Variants in MATN2 observed in about 807,000 individuals in gnomAD.
MATN2 encodes the protein matrilin 2, also known as matrilin-2.
In MATN2, 69 loss-of-function variants were observed where a neutral mutation model predicts 103.2. The observed-to-expected ratio is 0.67, with a 90% CI of 0.55 to 0.82. MATN2 has a LOEUF of 0.82. Among genes scored for constraint, MATN2 ranks in the 40% least tolerant of loss-of-function variants. MATN2 has a pLI of 0.00. For missense variants in MATN2, 1,023 were observed against 1,211.5 expected (o/e 0.84, Z 2.31); for synonymous variants, 429 against 450.2 (o/e 0.95, Z 0.60).
chr8:97,949,789 A>G (rs528975846), intron 4 of MATN2, among the ~76,000 whole-genome samples: 94 of 152,370 alleles, frequency 6.2e-4, no homozygotes, highest in African/African-American at 2.2e-3. Context: ...ATACACTGCA[A>G]TACACGCATC....
chr8:98,002,838 C>G (rs554228544), intron 7 of MATN2, among the ~76,000 whole-genome samples: 1 of 152,252 alleles, frequency 6.6e-6, no homozygotes, highest in South Asian at 2.1e-4. Context: ...ACCTCTACTG[C>G]AAAGTCTTCT....
intron 10 of MATN2, among the ~76,000 whole-genome samples, chr8:98,013,548 C>A (rs1586157181): frequency 6.6e-6 from 1 of 152,188 alleles, no homozygotes; most frequent in African/African-American, 2.4e-5. Flanking sequence ...CAACATCTCA[C>A]CTCTGATGAT....
chr8:97,999,661 C>A, intron 7 of MATN2, among the ~76,000 whole-genome samples: 1 of 152,108 alleles, frequency 6.6e-6, no homozygotes, highest in Non-Finnish European at 1.5e-5. Flanking sequence ...CTAACAATAT[C>A]CTGCCTCTCC....
chr8:98,019,078 TTCTA>T (rs1371742310), intron 12 of MATN2, among the ~76,000 whole-genome samples: 2 of 148,152 alleles, frequency 1.3e-5, no homozygotes, highest in Non-Finnish European at 3.0e-5. Context: ...CTATGGTCTG[TTCTA>T]TCTTCTATTT....
At chr8:97,871,356 G>T (rs530998825) in intron 1 of MATN2, among the ~76,000 whole-genome samples, 1 of 152,334 alleles carries the variant, frequency 6.6e-6, no homozygotes, top group East Asian at 1.9e-4. Flanking sequence ...AGGAAAAGCA[G>T]GCCGAAGAGG....
At chr8:97,897,457 G>T (rs553256925) in intron 2 of MATN2, among the ~76,000 whole-genome samples, 9 of 152,298 alleles carry the variant, frequency 5.9e-5, no homozygotes, top group African/African-American at 2.2e-4. Flanking sequence ...TGAGTTTCAG[G>T]CCTACATGGG....
At chr8:97,933,361 T>G (rs959323682) in intron 3 of MATN2, among the ~76,000 whole-genome samples, 1 of 152,180 alleles carries the variant, frequency 6.6e-6, no homozygotes, top group African/African-American at 2.4e-5. Flanking sequence ...TTCCTGAAAA[T>G]ATTAAAAGGG....
intron 2 of MATN2, among the ~76,000 whole-genome samples, chr8:97,929,437 C>T (rs1810107657): frequency 6.6e-6 from 1 of 152,196 alleles, no homozygotes; most frequent in African/African-American, 2.4e-5. Flanking sequence ...GGAGGAGGGA[C>T]TCACCCTGGT....
intron 2 of MATN2, among the ~76,000 whole-genome samples, chr8:97,917,480 A>G (rs1344572073): frequency 6.6e-6 from 1 of 152,204 alleles, no homozygotes; most frequent in Non-Finnish European, 1.5e-5. Flanking sequence ...GGCATCTTGA[A>G]TGGCATCAGC....
chr8:97,912,012 G>T (rs1197079624), intron 2 of MATN2, among the ~76,000 whole-genome samples: 1 of 152,226 alleles, frequency 6.6e-6, no homozygotes, highest in Non-Finnish European at 1.5e-5. Context: ...GAAACTGAAG[G>T]AGAGAGGGAT....
intron 1 of MATN2, among the ~76,000 whole-genome samples, chr8:97,869,824 G>C (rs368751505): frequency 6.6e-6 from 1 of 152,176 alleles, no homozygotes; most frequent in African/African-American, 2.4e-5. Context: ...TGTGGTAGTT[G>C]CTAGAAACCC....
Position 98,007,599 on chromosome 8 carries a change from C to T in MATN2, c.1571C>T (p.Ala524Val), listed in dbSNP as rs780109634. 15 of 1,609,492 alleles carry T rather than the reference C, an allele frequency of 9.3e-6. 1 individual carries two copies. The highest frequency in any genetic ancestry group is 8.8e-5 in the South Asian group (8 of 90,948). Residue 524 changes from alanine (A) to valine (V), a missense_variant and splice_region_variant, in exon 10 of 19, where the codon GCA becomes GTA. Physicochemically the swap from Ala to Val is moderately conservative, Grantham distance 64. Transcript: ENST00000254898. This position sits in a 1 kb window ranked among gnomAD's most constrained non-coding sequence, Gnocchi z 4.2. ...HVLRSDGKTC[A>V]KLDSCALGDH... is the part of the protein sequence containing the mutation. ...CTCCGCAGCGATGGGAAGACGTGTG[C>T]AAGTAAGTGTCTGAAGGACAAGCAG... is the stretch of plus-strand genomic sequence containing the variant.
rs544395511 is a variant in MATN2 at position 97,940,694 on chromosome 8, G to A, written c.713-1083G>A. On this transcript the variant is annotated intron_variant, in intron 3 of 18. Coordinates refer to ENST00000254898, the MANE Select transcript of MATN2 (RefSeq NM_002380.5). ...ACATATAGACATCTTTTTTGTTTAT[G>A]AGAACACTTGCATAACTTGTTATGT... is the stretch of plus-strand genomic sequence containing the variant. Among the ~76,000 whole-genome samples, 427 of 152,148 alleles carry A rather than the reference G, an allele frequency of 2.8e-3. 2 individuals are homozygous for A. Among genetic ancestry groups the A allele is most frequent in the Middle Eastern group, 0.02 (6 of 294 alleles).
intron 2 of MATN2, among the ~76,000 whole-genome samples, chr8:97,925,852 C>A (rs935880530): frequency 2.0e-5 from 3 of 152,166 alleles, no homozygotes; most frequent in Non-Finnish European, 4.4e-5. Context: ...GATTCATATT[C>A]ATTCCTTCTC....
In MATN2 at chr8:97,888,198, C is replaced by G; in HGVS notation, c.98C>G (p.Ser33Cys). 1 of 1,604,618 alleles carries G rather than the reference C, an allele frequency of 6.2e-7. No individual in the cohort carries two copies. The highest frequency in any genetic ancestry group is 1.1e-5 in the South Asian group (1 of 89,554). Residue 33 changes from serine (S) to cysteine (C), a missense_variant, in exon 2 of 19, where the codon TCT (serine) becomes TGT (cysteine). By Grantham distance (112) the Ser-to-Cys change is moderately radical (BLOSUM62 -1). Coordinates refer to ENST00000254898, the MANE Select transcript of MATN2 (RefSeq NM_002380.5). ...ARERSRGRSI[S>C]RGRHARTHPQ... ...GAGCGGTCACGTGGGAGGTCCATCT[C>G]TAGGGGCAGACACGCTCGGACCCAC...
In MATN2 at chr8:98,007,056, G is replaced by A. The variant is rs1276704447; in HGVS notation, c.1328-49G>A. On this transcript the variant is annotated intron_variant, in intron 8 of 18. Transcript: ENST00000254898. The surrounding 1 kb of genome is among the most constrained non-coding windows in gnomAD (Gnocchi z 4.2). ...GTTTTTGAATCTTGGTTGCTGGTGG[G>A]GTATTGCCCCCTCGGCTCCTCTATG... The A allele has an allele frequency of 4.5e-6, 7 of 1,547,910 alleles. No homozygotes were observed. The highest frequency in any genetic ancestry group is 6.1e-6 in the Non-Finnish European group (7 of 1,141,322).
intron 5 of MATN2, among the ~76,000 whole-genome samples, chr8:97,977,235 CAAAAAAAAAAAA>C (rs34634037): frequency 1.3e-3 from 46 of 35,942 alleles, no homozygotes; most frequent in Middle Eastern, 0.028. Flanking sequence ...GACCCTGTCT[CAAAAAAAAAAAA>C]AAAAAAAAAA....
In MATN2 at chr8:98,036,681, A is replaced by C. The variant is rs1814260198; in HGVS notation, c.*969A>C. The stretch of plus-strand genomic sequence containing the variant: ...AGAAATACAACACCGCATGTACAGG[A>C]ATGTGCTACATCTATACAAATAAAT... On this transcript the variant is annotated 3_prime_UTR_variant, in exon 19 of 19. Transcript: ENST00000254898. The C allele has an allele frequency of 6.6e-6, 1 of 152,246 alleles. No homozygotes were observed. The allele number at this position is 152,246 out of a possible 1,614,324, so 9.4% of individuals were successfully genotyped here.
chr8:98,023,394 G>C (rs1813673285), intron 13 of MATN2, among the ~76,000 whole-genome samples: 1 of 152,210 alleles, frequency 6.6e-6, no homozygotes. Flanking sequence ...TGAACAGCCG[G>C]GTGTTGTGGC....
Sources: allele counts gnomAD v4.1 joint callset (sites outside exome capture counted in the v4.1 genomes callset), GRCh38; gene constraint gnomAD v4.1.1; non-coding constraint Gnocchi (gnomAD v3.1); transcripts MANE v1.5; gene names NCBI Gene and HGNC (gene_info 2026-07-23, HGNC 2026-07-21).